The following ABHD2 variants were observed in gnomAD, a reference collection of about 807,000 sequenced individuals.
ABHD2 encodes the protein abhydrolase domain containing 2, acylglycerol lipase, also known as monoacylglycerol lipase ABHD2.
In ABHD2, 20 loss-of-function variants were observed where a neutral mutation model predicts 48.1. That is an observed-to-expected ratio of 0.42 (90% CI 0.29 to 0.60). The LOEUF is 0.60. ABHD2 is among the 20% of genes least tolerant of loss of function. ABHD2 has a pLI of 0.24. For synonymous variants in ABHD2, 209 were observed against 214.2 expected, an observed-to-expected ratio of 0.98 and a Z score of 0.21; for missense variants, 405 against 550.9, an observed-to-expected ratio of 0.74 and a Z score of 2.65.
chr15:89,141,622 C>T (rs2050404369), intron 3 of ABHD2, among the ~76,000 whole-genome samples: 1 of 149,516 alleles, frequency 6.7e-6, no homozygotes, highest in Non-Finnish European at 1.5e-5. Flanking sequence ...AACTCTGTCT[C>T]AAAAAAAAAA....
Position 89,201,814 on chromosome 15 carries a change from C to A in ABHD2, c.*6391C>A. ...GAGGCAGACGCCATTGGAGAGACAGCGCAGAGCAGGGGGCGGCTTGCTCGC... is the reference window on the plus strand; with the variant it reads ...GAGGCAGACGCCATTGGAGAGACAGAGCAGAGCAGGGGGCGGCTTGCTCGC... On this transcript the variant is annotated 3_prime_UTR_variant, in exon 11 of 11. Transcript: ENST00000352732. 7.5e-7 allele frequency: 1 copy of A among 1,324,538 alleles called. No homozygotes were observed. The highest frequency in any genetic ancestry group is 1.2e-5 in the South Asian group (1 of 85,006). The allele number at this position is 1,324,538 out of a possible 1,614,324, so 82.0% of individuals were successfully genotyped here. A position where few individuals can be genotyped will look rare whatever the true frequency, so the allele number is the denominator to read the frequency against.
At chr15:89,128,865 A>C (rs2050176494) in intron 3 of ABHD2, among the ~76,000 whole-genome samples, 1 of 151,990 alleles carries the variant, frequency 6.6e-6, no homozygotes, top group South Asian at 2.1e-4. Context: ...TGATCCTGTG[A>C]GCACTGGTGG....
the ABHD2 span, among the ~76,000 whole-genome samples, chr15:89,049,630 C>T: frequency 6.6e-6 from 1 of 152,364 alleles, no homozygotes. Flanking sequence ...GCGCAGTATT[C>T]AGGTGGGAGT....
intron 5 of ABHD2, among the ~76,000 whole-genome samples, chr15:89,165,303 T>A (rs559708885): frequency 8.9e-4 from 134 of 151,268 alleles, no homozygotes; most frequent in African/African-American, 3.2e-3. Flanking sequence ...GTTTTTTTTT[T>A]TTAAAAAAAT....
At position 89,174,131 on chromosome 15, in the gene ABHD2, A is replaced by G. The variant is rs1567104027; in HGVS notation, c.539-1681A>G. ...ATTGATTGTGCATTTTCCTGTATGT[A>G]TGTTATACCCCATTAAAAATAAAAA... is the stretch of plus-strand genomic sequence containing the variant. On this transcript the variant is annotated intron_variant, in intron 5 of 10. Transcript: ENST00000352732. The surrounding 1 kb of genome is among the most constrained non-coding windows in gnomAD (Gnocchi z 4.1). 2.0e-5 allele frequency among the ~76,000 whole-genome samples: 3 copies of G among 152,146 alleles called. No homozygotes were observed. The South Asian group carries it at 6.2e-4, about 32-fold the overall frequency.
rs1407632544 is a variant in ABHD2 at position 89,175,683 on chromosome 15, G to A, written c.539-129G>A. Reference sequence around the variant, plus strand: ...CACACACATCCCCCGACACACACACGTATATATACACATATATATTTCTCT... The same window carrying A: ...CACACACATCCCCCGACACACACACATATATATACACATATATATTTCTCT... On this transcript the variant is annotated intron_variant, in intron 5 of 10. Transcript: ENST00000352732. The surrounding 1 kb of genome is among the most constrained non-coding windows in gnomAD (Gnocchi z 5.7). 1.3e-5 allele frequency: 12 copies of A among 947,100 alleles called. No homozygotes were observed. Among genetic ancestry groups the A allele is most frequent in the Middle Eastern group, 5.0e-4 (2 of 4,004 alleles). 58.7% of individuals were successfully genotyped at this position (947,100 alleles called of 1,614,324 possible). A position where few individuals can be genotyped will look rare whatever the true frequency, so the allele number is the denominator to read the frequency against.
the ABHD2 span, among the ~76,000 whole-genome samples, chr15:89,043,511 G>C: frequency 6.8e-6 from 1 of 147,546 alleles, no homozygotes; most frequent in Non-Finnish European, 1.5e-5. Context: ...AAAGAAAGAG[G>C]AAGGAGGAAG....
chr15:89,083,482 G>A (rs80155884), upstream of ABHD2, among the ~76,000 whole-genome samples: 489 of 152,296 alleles, frequency 3.2e-3, 3 homozygotes, highest in East Asian at 0.033. The surrounding 1 kb of genome is among the most constrained non-coding windows in gnomAD (Gnocchi z 5.1). Flanking sequence ...GTGTGTGTGC[G>A]CGCGTGCACG....
chr15:89,124,293 A>G (rs1328632228), intron 3 of ABHD2, among the ~76,000 whole-genome samples: 1 of 152,198 alleles, frequency 6.6e-6, no homozygotes, highest in Non-Finnish European at 1.5e-5. Flanking sequence ...TTCTTTGCAG[A>G]GGCAGTACCA....
At chr15:89,103,111 T>G (rs909670485) in intron 1 of ABHD2, among the ~76,000 whole-genome samples, 1 of 152,234 alleles carries the variant, frequency 6.6e-6, no homozygotes, top group African/African-American at 2.4e-5. Context: ...CTTTCGAGTT[T>G]TTAGTTTTTA....
rs1199766570 is a variant in ABHD2 at position 89,189,987 on chromosome 15, C to A, written c.927-1093C>A. Among the ~76,000 whole-genome samples, 1 of 152,126 alleles carries A rather than the reference C, an allele frequency of 6.6e-6. No homozygotes were observed. Among genetic ancestry groups the A allele is most frequent in the Non-Finnish European group, 1.5e-5 (1 of 68,040 alleles). On this transcript the variant is annotated intron_variant, in intron 8 of 10. Coordinates refer to ENST00000352732, the MANE Select transcript of ABHD2 (RefSeq NM_152924.5). The surrounding 1 kb of genome is among the most constrained non-coding windows in gnomAD (Gnocchi z 4.9). ...GATGGAACAATGCATTTCCTGCCTG[C>A]TGAGACTGCAAACGAACTGATTTCA...
intron 3 of ABHD2, among the ~76,000 whole-genome samples, chr15:89,127,068 G>A (rs147908843): frequency 0.019 from 2,889 of 152,318 alleles, 38 homozygotes; most frequent in Non-Finnish European, 0.031. Context: ...ACTGTCAGTA[G>A]TCAGACTGAG....
intron 4 of ABHD2, among the ~76,000 whole-genome samples, chr15:89,153,533 G>A (rs1165691255): frequency 6.6e-6 from 1 of 152,196 alleles, no homozygotes; most frequent in East Asian, 1.9e-4. Flanking sequence ...ATGGAAAGTT[G>A]AAAAGGGCAG....
At position 89,200,281 on chromosome 15, in the gene ABHD2, C is replaced by G. The variant is rs550194898; in HGVS notation, c.*4858C>G. 6.6e-6 allele frequency: 1 copy of G among 152,084 alleles called. No homozygotes were observed. The highest frequency in any genetic ancestry group is 1.5e-5 in the Non-Finnish European group (1 of 68,064). 9.4% of individuals were successfully genotyped at this position (152,084 alleles called of 1,614,324 possible). On this transcript the variant is annotated 3_prime_UTR_variant, in exon 11 of 11. Coordinates refer to ENST00000352732, the MANE Select transcript of ABHD2 (RefSeq NM_152924.5). ...CATACTTGCAGGATTGCACAGCAGC[C>G]GGGCAGAGGCGCTCCTCACTTCCCA...
At chr15:89,062,795 A>T in the ABHD2 span, among the ~76,000 whole-genome samples, 277 of 152,248 alleles carry the variant, frequency 1.8e-3, 3 homozygotes, top group African/African-American at 6.3e-3. Flanking sequence ...CGATTATCAC[A>T]TGAGCATGAG....
At position 89,201,947 on chromosome 15, in the gene ABHD2, A is replaced by ACC; in HGVS notation, c.*6524_*6525insCC. 6 of 509,356 alleles carry ACC rather than the reference A, an allele frequency of 1.2e-5. No individual in the cohort carries two copies. Among genetic ancestry groups the ACC allele is most frequent in the Admixed American group, 3.8e-5 (1 of 26,566 alleles). 31.6% of individuals were successfully genotyped at this position (509,356 alleles called of 1,614,324 possible). ...TTCTTATGTTGGCAGATCTGCTTCC[A>ACC]GATTGATTTTTAGAGCACCATCACT... On this transcript the variant is annotated 3_prime_UTR_variant, in exon 11 of 11. Transcript: ENST00000352732.
chr15:89,109,974 C>A (rs2049847575), intron 1 of ABHD2, among the ~76,000 whole-genome samples: 1 of 152,198 alleles, frequency 6.6e-6, no homozygotes, highest in Non-Finnish European at 1.5e-5. Context: ...TACATTAAAT[C>A]ATCTCTAGAT....
intron 3 of ABHD2, chr15:89,135,464 G>GTTTTTT: frequency 1.3e-6 from 1 of 743,186 alleles, no homozygotes; most frequent in African/African-American, 1.8e-5. Flanking sequence ...TTACATTTCA[G>GTTTTTT]TTTTTTTCTT....
rs556781060 is a variant in ABHD2, at chr15:89,091,435, A to G, written c.-107+2872A>G. ...TTTTCATTTCTTTGCTTGTGTATTA[A>G]TATGGGCCCCTTTCTCTCTTTCTCA... On this transcript the variant is annotated intron_variant, in intron 1 of 10. Coordinates refer to ENST00000352732, the MANE Select transcript of ABHD2 (RefSeq NM_152924.5). This position sits in a 1 kb window ranked among gnomAD's most constrained non-coding sequence, Gnocchi z 5.5. 6.6e-6 allele frequency among the ~76,000 whole-genome samples: 1 copy of G among 152,268 alleles called. No individual in the cohort carries two copies. Among genetic ancestry groups the G allele is most frequent in the Non-Finnish European group, 1.5e-5 (1 of 68,024 alleles).
Sources: allele counts gnomAD v4.1 joint callset (sites outside exome capture counted in the v4.1 genomes callset), GRCh38; gene constraint gnomAD v4.1.1; non-coding constraint Gnocchi (gnomAD v3.1); transcripts MANE v1.5; gene names NCBI Gene and HGNC (gene_info 2026-07-23, HGNC 2026-07-21).